The following DLGAP1 variants were observed in gnomAD, a reference collection of about 807,000 sequenced individuals.
The protein encoded by DLGAP1 is DLG associated protein 1.
DLGAP1 carries 11 observed loss-of-function variants against 90.8 expected under a neutral mutation model. The observed-to-expected ratio is 0.12, with a 90% confidence interval of 0.08 to 0.20. The LOEUF (loss-of-function observed/expected upper bound fraction) is 0.20, where lower values mean the gene tolerates loss of function less well. DLGAP1 is among the 10% of genes least tolerant of loss of function. The pLI is 1.00. For synonymous variants in DLGAP1, 558 were observed against 540.7 expected (o/e 1.03, Z -0.44); for missense variants, 1,050 against 1,333.8 (o/e 0.79, Z 3.31).
At chr18:4,308,998 T>G (rs536792677) in intron 1 of DLGAP1, among the ~76,000 whole-genome samples, 2 of 152,216 alleles carry the variant, frequency 1.3e-5, no homozygotes, top group Admixed American at 6.5e-5. Context: ...TTATAACAAC[T>G]AAGTCATATA....
chr18:4,364,728 G>C (rs772499212), intron 1 of DLGAP1, among the ~76,000 whole-genome samples: 1 of 152,186 alleles, frequency 6.6e-6, no homozygotes, highest in Admixed American at 6.5e-5. Flanking sequence ...TGGTTTTCTA[G>C]TTATTTTTGT....
chr18:3,807,736 C>T (rs2066633591), intron 5 of DLGAP1, among the ~76,000 whole-genome samples: 1 of 152,192 alleles, frequency 6.6e-6, no homozygotes, highest in East Asian at 1.9e-4. Flanking sequence ...TATCCTGATG[C>T]TCTCTCCCTC....
At chr18:3,778,433 C>T (rs2065032519) in intron 5 of DLGAP1, among the ~76,000 whole-genome samples, 1 of 151,386 alleles carries the variant, frequency 6.6e-6, no homozygotes, top group African/African-American at 2.4e-5. Context: ...AAGAGCAAGA[C>T]TCCATCTTAA....
chr18:3,923,527 C>CT (rs942496954), intron 3 of DLGAP1, among the ~76,000 whole-genome samples: 16 of 151,996 alleles, frequency 1.1e-4, no homozygotes, highest in African/African-American at 3.6e-4. Context: ...AGTTTAATGT[C>CT]TTTTTTAACT....
chr18:3,622,677 T>G (rs995575129), intron 7 of DLGAP1, among the ~76,000 whole-genome samples: 4 of 152,228 alleles, frequency 2.6e-5, no homozygotes, highest in African/African-American at 9.6e-5. Context: ...TTCCCCAATT[T>G]CTTGCTTGCC....
chr18:3,569,234 T>G (rs2054623834), intron 8 of DLGAP1, among the ~76,000 whole-genome samples: 1 of 151,802 alleles, frequency 6.6e-6, no homozygotes, highest in African/African-American at 2.4e-5. Flanking sequence ...ACTCCTGACC[T>G]CGTGATTTGA....
At chr18:3,946,565 G>A (rs1353671625) in intron 3 of DLGAP1, among the ~76,000 whole-genome samples, 1 of 152,032 alleles carries the variant, frequency 6.6e-6, no homozygotes, top group Non-Finnish European at 1.5e-5. Context: ...TATTATATTA[G>A]TGATGGGGGT....
intron 1 of DLGAP1, among the ~76,000 whole-genome samples, chr18:4,310,834 C>T (rs2080380478): frequency 6.6e-6 from 1 of 152,146 alleles, no homozygotes; most frequent in Non-Finnish European, 1.5e-5. Flanking sequence ...TGCTTCTTCA[C>T]ATCATTCTCA....
chr18:3,868,884 G>A (rs1411575804), intron 4 of DLGAP1, among the ~76,000 whole-genome samples: 1 of 152,054 alleles, frequency 6.6e-6, no homozygotes, highest in Non-Finnish European at 1.5e-5. Context: ...AGCGACTTTG[G>A]GCACGAGCAA....
At chr18:3,763,172 C>T (rs536668294) in intron 5 of DLGAP1, among the ~76,000 whole-genome samples, 11 of 152,290 alleles carry the variant, frequency 7.2e-5, no homozygotes, top group African/African-American at 2.6e-4. Flanking sequence ...AATCAGCTGC[C>T]AGCCCAGCCA....
intron 1 of DLGAP1, among the ~76,000 whole-genome samples, chr18:4,428,799 G>A (rs900517725): frequency 6.6e-6 from 1 of 152,188 alleles, no homozygotes; most frequent in African/African-American, 2.4e-5. Flanking sequence ...TCATAACAGT[G>A]AGAAAACTGA....
intron 1 of DLGAP1, among the ~76,000 whole-genome samples, chr18:4,390,216 T>C (rs572318700): frequency 1.3e-5 from 2 of 152,204 alleles, no homozygotes; most frequent in South Asian, 4.2e-4. Flanking sequence ...TAATAAATCT[T>C]ATGTTTTTAT....
intron 7 of DLGAP1, among the ~76,000 whole-genome samples, chr18:3,628,916 G>A (rs895910898): frequency 6.6e-6 from 1 of 152,040 alleles, no homozygotes; most frequent in African/African-American, 2.4e-5. Context: ...GGTTTTTTTG[G>A]TATTTGAACA....
chr18:3,882,429 T>G (rs2071197943), intron 3 of DLGAP1, among the ~76,000 whole-genome samples: 1 of 145,880 alleles, frequency 6.9e-6, no homozygotes, highest in Non-Finnish European at 1.5e-5. Flanking sequence ...GCTACTCAAG[T>G]GGGGAGAGGA....
chr18:3,781,203 AATAG>A, intron 5 of DLGAP1, among the ~76,000 whole-genome samples: 1 of 152,098 alleles, frequency 6.6e-6, no homozygotes, highest in Admixed American at 6.5e-5. Flanking sequence ...CTTGTTTTTT[AATAG>A]ATAATTTATC....
chr18:3,849,562 C>T (rs1479638716), intron 4 of DLGAP1, among the ~76,000 whole-genome samples: 1 of 152,128 alleles, frequency 6.6e-6, no homozygotes, highest in African/African-American at 2.4e-5. Context: ...AAGTTGAATT[C>T]TGCTATCATT....
chr18:3,948,163 C>T (rs1169293929), intron 3 of DLGAP1, among the ~76,000 whole-genome samples: 1 of 151,704 alleles, frequency 6.6e-6, no homozygotes, highest in Non-Finnish European at 1.5e-5. Flanking sequence ...CCAGCTAGTG[C>T]TTTGGAAGGC....
At chr18:3,905,366 C>CAAAAAAAAAAAAAAAAAAAAAAA (rs71160924) in intron 3 of DLGAP1, among the ~76,000 whole-genome samples, 1 of 19,810 alleles carries the variant, frequency 5.0e-5, no homozygotes, top group Non-Finnish European at 9.0e-5. Context: ...GACTCCATCT[C>CAAAAAAAAAAAAAAAAAAAAAAA]AAAAAAAAAA....
At chr18:3,834,579 T>C (rs1314396795) in intron 4 of DLGAP1, among the ~76,000 whole-genome samples, 1 of 152,186 alleles carries the variant, frequency 6.6e-6, no homozygotes, top group Non-Finnish European at 1.5e-5. Context: ...ACACTCCATA[T>C]AATCAAATAT....
Sources: gnomAD v4.1 joint callset for allele counts (sites outside exome capture counted in the v4.1 genomes callset) on GRCh38, gnomAD v4.1.1 for gene constraint, MANE v1.5 for transcripts, NCBI Gene and HGNC (gene_info 2026-07-23, HGNC 2026-07-21) for gene names.